DPP6: variants seen among roughly 807,000 people sequenced by gnomAD.
DPP6 encodes the protein dipeptidyl peptidase like 6.
Under a neutral mutation model 122.6 loss-of-function variants are expected in DPP6, and 69 were observed. That is an observed-to-expected ratio of 0.56 (90% CI 0.46 to 0.69). The LOEUF (loss-of-function observed/expected upper bound fraction) is 0.69. Ranked by LOEUF, DPP6 falls within the 30% of genes least tolerant of loss-of-function variation. DPP6 has a pLI of 0.00. For synonymous variants in DPP6, 418 were observed against 433.1 expected, an observed-to-expected ratio of 0.97 and a Z score of 0.43; for missense variants, 928 against 1,116.9, an observed-to-expected ratio of 0.83 and a Z score of 2.41.
At chr7:153,876,241 GA>G in the DPP6 span, among the ~76,000 whole-genome samples, 1 of 151,260 alleles carries the variant, frequency 6.6e-6, no homozygotes, top group Non-Finnish European at 1.5e-5. Context: ...GAACATCCAA[GA>G]AAAAAAATCA....
chr7:154,731,890 T>A (rs1176318472), intron 8 of DPP6, among the ~76,000 whole-genome samples: 1 of 152,172 alleles, frequency 6.6e-6, no homozygotes, highest in African/African-American at 2.4e-5. Context: ...CAGGGCTCAG[T>A]AATTTTGCAA....
chr7:154,071,885 C>T (rs542758700), intron 1 of DPP6, among the ~76,000 whole-genome samples: 1 of 152,244 alleles, frequency 6.6e-6, no homozygotes, highest in East Asian at 1.9e-4. Context: ...AAAAATGCAG[C>T]TAAATTAGTC....
chr7:154,684,933 A>G (rs374413201), intron 7 of DPP6, among the ~76,000 whole-genome samples: 5 of 152,248 alleles, frequency 3.3e-5, no homozygotes, highest in Non-Finnish European at 5.9e-5. Context: ...TAAATTTCCT[A>G]TGTTACTGCA....
intron 16 of DPP6, among the ~76,000 whole-genome samples, chr7:154,849,158 C>G (rs1802181653): frequency 6.6e-6 from 1 of 151,980 alleles, no homozygotes; most frequent in South Asian, 2.1e-4. Context: ...TTTGTGGTTG[C>G]ATATGAATTT....
intron 1 of DPP6, among the ~76,000 whole-genome samples, chr7:153,900,484 A>G (rs1270414615): frequency 6.6e-6 from 1 of 152,158 alleles, no homozygotes; most frequent in East Asian, 1.9e-4. Context: ...CACTCATGGC[A>G]GAAGGTGGAG....
chr7:154,550,805 C>CA (rs942769033), intron 4 of DPP6, among the ~76,000 whole-genome samples: 20 of 144,318 alleles, frequency 1.4e-4, no homozygotes, highest in Non-Finnish European at 2.7e-4. Flanking sequence ...AGCTGGAGTG[C>CA]AATGGCGCGA....
chr7:154,500,839 A>T (rs1825176220), intron 3 of DPP6, among the ~76,000 whole-genome samples: 1 of 152,218 alleles, frequency 6.6e-6, no homozygotes, highest in Non-Finnish European at 1.5e-5. Flanking sequence ...GGAACTGGGT[A>T]ACAGGCAGAG....
At chr7:154,028,601 G>C (rs906097631) in intron 1 of DPP6, among the ~76,000 whole-genome samples, 1 of 151,768 alleles carries the variant, frequency 6.6e-6, no homozygotes, top group African/African-American at 2.4e-5. Flanking sequence ...CATCTTGATA[G>C]AAAGGATCCC....
Position 154,034,041 on chromosome 7 carries a change from C to T in DPP6, c.51+146307C>T, listed in dbSNP as rs147319170. 6.8e-3 allele frequency among the ~76,000 whole-genome samples: 1,030 copies of T among 152,244 alleles called. 7 individuals carry two copies. The highest frequency in any genetic ancestry group is 0.023 in the African/African-American group (974 of 41,548). ...CTCATTGAGATGATTTTACTGTGAA[C>T]GACGTGAATGCCACTATTCTAGTAA... On this transcript the variant is annotated intron_variant, in intron 1 of 25. Transcript: ENST00000404039.
chr7:153,861,743 C>G, the DPP6 span, among the ~76,000 whole-genome samples: 1 of 152,172 alleles, frequency 6.6e-6, no homozygotes, highest in African/African-American at 2.4e-5. Context: ...GAGATGTTTA[C>G]TCATTAATGA....
At chr7:154,383,608 G>A (rs1441160312) in intron 1 of DPP6, among the ~76,000 whole-genome samples, 2 of 152,070 alleles carry the variant, frequency 1.3e-5, no homozygotes, top group East Asian at 3.9e-4. Flanking sequence ...TGTGTTAGTG[G>A]GCTGGGCACA....
chr7:154,683,320 A>G (rs1274026300), intron 7 of DPP6, among the ~76,000 whole-genome samples: 1 of 152,140 alleles, frequency 6.6e-6, no homozygotes, highest in Admixed American at 6.5e-5. Context: ...TCATTCATAA[A>G]TCTAAACTCA....
intron 5 of DPP6, among the ~76,000 whole-genome samples, chr7:154,634,925 A>G (rs969978621): frequency 6.6e-6 from 1 of 152,168 alleles, no homozygotes; most frequent in African/African-American, 2.4e-5. Context: ...TTCTAGATGG[A>G]TTAAAGCAAT....
At chr7:154,420,064 C>G (rs576671257) in intron 1 of DPP6, among the ~76,000 whole-genome samples, 17 of 152,324 alleles carry the variant, frequency 1.1e-4, no homozygotes, top group Non-Finnish European at 1.8e-4. Flanking sequence ...AAGGCCGGCA[C>G]GGTGGCTTTT....
At chr7:153,999,726 A>G (rs1363252808) in intron 1 of DPP6, among the ~76,000 whole-genome samples, 1 of 152,196 alleles carries the variant, frequency 6.6e-6, no homozygotes, top group East Asian at 1.9e-4. Context: ...TGGGAGACCA[A>G]GGCAAGTGGA....
chr7:153,811,306 C>T, the DPP6 span, among the ~76,000 whole-genome samples: 9 of 152,072 alleles, frequency 5.9e-5, no homozygotes, highest in South Asian at 2.1e-4. Context: ...CTCTCAAATG[C>T]GCTGTTTAAA....
intron 1 of DPP6, among the ~76,000 whole-genome samples, chr7:154,364,793 C>T (rs1812016027): frequency 6.6e-6 from 1 of 152,176 alleles, no homozygotes; most frequent in South Asian, 2.1e-4. Flanking sequence ...TTAACTTTTG[C>T]ATTGGATGAT....
Position 154,096,777 on chromosome 7 carries a change from T to A in DPP6, c.243+43714T>A, listed in dbSNP as rs1407609839. Among the ~76,000 whole-genome samples, 3 of 152,324 alleles carry A rather than the reference T, an allele frequency of 2.0e-5. No individual in the cohort carries two copies. In the East Asian group the frequency reaches 5.8e-4, roughly 29 times the overall value. On this transcript the variant is annotated intron_variant, in intron 1 of 25. Transcript: ENST00000377770. ...CTATACTAGATTTGCTGTCTCTGTG[T>A]GTGAAATTATGATTAAATGATTTCT...
intron 20 of DPP6, among the ~76,000 whole-genome samples, chr7:154,879,362 C>T (rs1259004233): frequency 3.0e-5 from 3 of 101,666 alleles, no homozygotes; most frequent in South Asian, 6.0e-4. Flanking sequence ...GGGCGGATCA[C>T]GAGGTCAGGA....
Sources: gnomAD v4.1 joint callset for allele counts (sites outside exome capture counted in the v4.1 genomes callset) on GRCh38, gnomAD v4.1.1 for gene constraint, MANE v1.5 for transcripts, NCBI Gene and HGNC (gene_info 2026-07-23, HGNC 2026-07-21) for gene names.